Variants in GPC6 observed in about 807,000 individuals in gnomAD.
GPC6 encodes glypican 6.
A neutral mutation model predicts 55.2 loss-of-function variants in GPC6; 14 were observed. That is an observed-to-expected ratio of 0.25 (90% CI 0.17 to 0.40). The LOEUF (loss-of-function observed/expected upper bound fraction) is 0.40, where lower values mean the gene tolerates loss of function less well. GPC6 is among the 10% of genes least tolerant of loss of function. GPC6 has a pLI of 1.00. For synonymous variants in GPC6, 278 were observed against 259.6 expected (o/e 1.07, Z -0.68); for missense variants, 641 against 708.5 (o/e 0.90, Z 1.08).
At chr13:93,316,635 G>T (rs1321120071) in intron 1 of GPC6, among the ~76,000 whole-genome samples, 1 of 152,052 alleles carries the variant, frequency 6.6e-6, no homozygotes, top group African/African-American at 2.4e-5. Flanking sequence ...CTAAATAATA[G>T]TTAAAATAAA....
chr13:93,923,593 A>C (rs371839487), intron 3 of GPC6, among the ~76,000 whole-genome samples: 192 of 152,338 alleles, frequency 1.3e-3, no homozygotes, highest in African/African-American at 4.4e-3. Context: ...CTAGCAGACA[A>C]ATTTCCAGAA....
chr13:93,773,579 T>C (rs1885369627), intron 2 of GPC6, among the ~76,000 whole-genome samples: 1 of 152,154 alleles, frequency 6.6e-6, no homozygotes, highest in Non-Finnish European at 1.5e-5. Flanking sequence ...CCTGTGTAGT[T>C]TTAAGTTGCT....
chr13:93,824,588 CT>C (rs1041194703), intron 2 of GPC6, among the ~76,000 whole-genome samples: 142 of 146,072 alleles, frequency 9.7e-4, no homozygotes, highest in Admixed American at 8.9e-4. Flanking sequence ...TGATAGCCAA[CT>C]TTTTTTTTTT....
chr13:94,191,153 C>T (rs1349382429), intron 4 of GPC6, among the ~76,000 whole-genome samples: 1 of 152,182 alleles, frequency 6.6e-6, no homozygotes, highest in Non-Finnish European at 1.5e-5. Context: ...CTGGATTTTA[C>T]ATGTGGCACC....
rs868835956 is a variant in GPC6 at position 94,108,854 on chromosome 13, C to A, written c.877+80960C>A. On this transcript the variant is annotated intron_variant, in intron 4 of 8. Transcript: ENST00000377047. ...CGAGACTCCGTCTCAAAAAAAAAAA[C>A]AAAAAAAAAAAGTTTTTTTAATAAT... 5.9e-3 allele frequency among the ~76,000 whole-genome samples: 854 copies of A among 145,296 alleles called. 7 individuals carry two copies. The highest frequency in any genetic ancestry group is 0.019 in the African/African-American group (760 of 39,712).
rs115083901 is a variant in GPC6 at position 93,523,609 on chromosome 13, T to A, written c.161-21654T>A. Among the ~76,000 whole-genome samples, 743 of 152,112 alleles carry A rather than the reference T, an allele frequency of 4.9e-3. 2 individuals carry two copies. Among genetic ancestry groups the A allele is most frequent in the African/African-American group, 0.017 (689 of 41,528 alleles). On this transcript the variant is annotated intron_variant, in intron 1 of 8. Coordinates refer to ENST00000377047, the MANE Select transcript of GPC6 (RefSeq NM_005708.5). ...CATCTTCCTCACAGTGCTGTGATTA[T>A]GGGTATTTTGTTATGCCTGATTTTA...
chr13:94,203,252 G>A lies in GPC6; in HGVS notation c.878-83097G>A, dbSNP rs148688197. 1.2e-3 allele frequency among the ~76,000 whole-genome samples: 184 copies of A among 151,096 alleles called. 2 individuals carry two copies. The East Asian group carries it at 0.033, about 27-fold the overall frequency. On this transcript the variant is annotated intron_variant, in intron 4 of 8. Transcript: ENST00000377047. The stretch of plus-strand genomic sequence containing the variant: ...TATTTATAGAACTAGAATTTGTATT[G>A]TTACCTTTAAAAAAAAATACTGACC...
intron 6 of GPC6, among the ~76,000 whole-genome samples, chr13:94,353,650 C>A (rs1878661119): frequency 6.6e-6 from 1 of 152,158 alleles, no homozygotes; most frequent in Non-Finnish European, 1.5e-5. Context: ...ATAGCACTTA[C>A]CCCTTCAAAT....
chr13:93,350,743 A>G (rs1255002770), intron 1 of GPC6, among the ~76,000 whole-genome samples: 1 of 152,208 alleles, frequency 6.6e-6, no homozygotes, highest in Non-Finnish European at 1.5e-5. Flanking sequence ...TATCTGGACT[A>G]TAAACCTTAA....
At chr13:93,600,485 T>G (rs548659660) in intron 2 of GPC6, among the ~76,000 whole-genome samples, 1 of 152,056 alleles carries the variant, frequency 6.6e-6, no homozygotes, top group East Asian at 1.9e-4. Flanking sequence ...TTTCTAAGAG[T>G]GGGGAAATAC....
In GPC6 at chr13:93,426,429, T is replaced by G. The variant is rs549319031; in HGVS notation, c.161-118834T>G. Among the ~76,000 whole-genome samples, 5 of 138,408 alleles carry G rather than the reference T, an allele frequency of 3.6e-5. No individual in the cohort carries two copies. In the East Asian group the frequency reaches 1.2e-3, roughly 33 times the overall value. The allele number at this position is 138,408 out of a possible 152,430, so 90.8% of individuals were successfully genotyped here. ...AGTCCCCAGAGTGTGATGTTCCCCT[T>G]CCTGTGTCCATGTGTTCTCATTGTT... is the stretch of plus-strand genomic sequence containing the variant. On this transcript the variant is annotated intron_variant, in intron 1 of 8. Transcript: ENST00000377047.
At chr13:93,496,435 CCA>C (rs1880285952) in intron 1 of GPC6, among the ~76,000 whole-genome samples, 1 of 152,212 alleles carries the variant, frequency 6.6e-6, no homozygotes, top group African/African-American at 2.4e-5. Context: ...GGAGATGAAC[CCA>C]TTACCTCAGA....
chr13:94,186,533 G>GGTCA (rs1346784447), intron 4 of GPC6, among the ~76,000 whole-genome samples: 1 of 151,958 alleles, frequency 6.6e-6, no homozygotes, highest in East Asian at 1.9e-4. Context: ...GAAGGTTTAG[G>GGTCA]GTCACCGCAA....
intron 4 of GPC6, among the ~76,000 whole-genome samples, chr13:94,239,957 C>T (rs1426372050): frequency 6.6e-6 from 1 of 152,026 alleles, no homozygotes; most frequent in Non-Finnish European, 1.5e-5. Context: ...AAGTGATGCT[C>T]ACCTACTTTA....
chr13:93,496,266 G>C (rs765199149), intron 1 of GPC6, among the ~76,000 whole-genome samples: 8 of 152,256 alleles, frequency 5.3e-5, no homozygotes, highest in Admixed American at 3.9e-4. Flanking sequence ...CACAATATTC[G>C]GGTGGGAGTG....
chr13:94,393,254 T>TG (rs1172124108), intron 7 of GPC6, among the ~76,000 whole-genome samples: 1 of 152,134 alleles, frequency 6.6e-6, no homozygotes, highest in South Asian at 2.1e-4. Flanking sequence ...CAGTGGGGTC[T>TG]GGGGTTGCAA....
chr13:93,758,088 G>C (rs901145056), intron 2 of GPC6, among the ~76,000 whole-genome samples: 1 of 152,042 alleles, frequency 6.6e-6, no homozygotes, highest in Non-Finnish European at 1.5e-5. Flanking sequence ...TAACAGGTTT[G>C]TGGATATGGA....
At chr13:93,371,261 G>A (rs934654296) in intron 1 of GPC6, among the ~76,000 whole-genome samples, 4 of 151,950 alleles carry the variant, frequency 2.6e-5, no homozygotes, top group Admixed American at 1.3e-4. Flanking sequence ...ATAGCCTTCC[G>A]GTAGGCATCA....
intron 2 of GPC6, among the ~76,000 whole-genome samples, chr13:93,818,994 A>G: frequency 6.6e-6 from 1 of 152,136 alleles, no homozygotes; most frequent in East Asian, 1.9e-4. Context: ...AGATCAGTAT[A>G]CAAGATATAC....
Sources: gnomAD v4.1 joint callset for allele counts (sites outside exome capture counted in the v4.1 genomes callset) on GRCh38, gnomAD v4.1.1 for gene constraint, MANE v1.5 for transcripts, NCBI Gene and HGNC (gene_info 2026-07-23, HGNC 2026-07-21) for gene names.